Variants in EXOC6 observed in about 807,000 individuals in gnomAD.
EXOC6 encodes exocyst complex component 6.
In EXOC6, 60 loss-of-function variants were observed where a neutral mutation model predicts 112.5. The observed-to-expected ratio is 0.53, with a 90% CI of 0.43 to 0.66. The LOEUF is 0.66. EXOC6 is among the 30% of genes least tolerant of loss of function. The pLI is 0.00. For synonymous variants in EXOC6, 295 were observed against 308.0 expected (o/e 0.96, Z 0.44); for missense variants, 855 against 957.1 (o/e 0.89, Z 1.41).
intron 13 of EXOC6, among the ~76,000 whole-genome samples, chr10:92,945,738 A>G (rs767908235): frequency 2.0e-5 from 3 of 152,160 alleles, no homozygotes; most frequent in Non-Finnish European, 2.9e-5. Context: ...TTTAAAACAG[A>G]GACAGCATTT....
At chr10:92,880,199 A>T (rs184743759) in intron 1 of EXOC6, among the ~76,000 whole-genome samples, 1 of 152,308 alleles carries the variant, frequency 6.6e-6, no homozygotes, top group African/African-American at 2.4e-5. Context: ...TAACCTATGC[A>T]CATACTCCCA....
At chr10:92,851,474 C>T (rs1034339745) in intron 1 of EXOC6, among the ~76,000 whole-genome samples, 1 of 151,444 alleles carries the variant, frequency 6.6e-6, no homozygotes, top group African/African-American at 2.4e-5. Context: ...GGTGAAACCC[C>T]GTCCCTACTA....
upstream of EXOC6, among the ~76,000 whole-genome samples, chr10:92,832,430 A>G (rs1281767211): frequency 6.6e-6 from 1 of 152,096 alleles, no homozygotes; most frequent in Non-Finnish European, 1.5e-5. Context: ...GGCGTCCGCC[A>G]CCACAGCCGG....
At chr10:92,887,490 C>T (rs904372013) in intron 1 of EXOC6, among the ~76,000 whole-genome samples, 7 of 149,702 alleles carry the variant, frequency 4.7e-5, no homozygotes, top group Admixed American at 2.7e-4. Flanking sequence ...CTCTGCCTCC[C>T]GGGTTCAAGC....
At chr10:92,885,248 T>A (rs1431549908) in intron 1 of EXOC6, among the ~76,000 whole-genome samples, 1 of 152,220 alleles carries the variant, frequency 6.6e-6, no homozygotes, top group Non-Finnish European at 1.5e-5. Flanking sequence ...TACTTAAAAT[T>A]TTTTTAGCTA....
chr10:92,943,090 C>T (rs536636968), intron 13 of EXOC6, among the ~76,000 whole-genome samples: 21 of 151,030 alleles, frequency 1.4e-4, no homozygotes, highest in Admixed American at 7.2e-4. Flanking sequence ...GGCGTGACCT[C>T]GGCTCACTGC....
rs144365544 is a variant in EXOC6, at chr10:92,854,922, A to G, written c.101+6288A>G. Reference sequence around the variant, plus strand: ...TTGGGTTTTTTCCCCCCTTTATTCTATTCATGTGGTACATTACATTGATTG... The same window carrying G: ...TTGGGTTTTTTCCCCCCTTTATTCTGTTCATGTGGTACATTACATTGATTG... On this transcript the variant is annotated intron_variant, in intron 1 of 21. Transcript: ENST00000260762. Among the ~76,000 whole-genome samples, 286 of 152,216 alleles carry G rather than the reference A, an allele frequency of 1.9e-3. 3 individuals are homozygous for G. Among genetic ancestry groups the G allele is most frequent in the African/African-American group, 6.7e-3 (279 of 41,536 alleles).
intron 11 of EXOC6, 118 bp from the exon 12 acceptor site, chr10:92,935,696 T>C (rs979776063): frequency 9.1e-6 from 7 of 766,990 alleles, no homozygotes; most frequent in African/African-American, 7.2e-5. Flanking sequence ...TTTAAACTTA[T>C]TATAAGTCTG....
At chr10:92,971,691 T>A (rs1842304495) in intron 17 of EXOC6, among the ~76,000 whole-genome samples, 1 of 152,188 alleles carries the variant, frequency 6.6e-6, no homozygotes, top group Admixed American at 6.5e-5. Context: ...TAATTTCTAT[T>A]TATATTCCCT....
At chr10:93,051,036 G>A (rs1181691627) in intron 20 of EXOC6, among the ~76,000 whole-genome samples, 1 of 151,820 alleles carries the variant, frequency 6.6e-6, no homozygotes, top group Non-Finnish European at 1.5e-5. Flanking sequence ...AAATTCACAT[G>A]TATGTATCTA....
intron 8 of EXOC6, among the ~76,000 whole-genome samples, chr10:92,920,488 C>G (rs1049258294): frequency 6.6e-6 from 1 of 152,156 alleles, no homozygotes; most frequent in Non-Finnish European, 1.5e-5. Flanking sequence ...GATGTGCAAC[C>G]ATTACCACTA....
intron 4 of EXOC6, among the ~76,000 whole-genome samples, chr10:92,898,666 A>C (rs760460130): frequency 6.6e-6 from 1 of 152,046 alleles, no homozygotes; most frequent in Admixed American, 6.6e-5. Context: ...AAAAAATTAC[A>C]TTACAATATA....
chr10:93,037,227 C>T (rs1845554336), intron 20 of EXOC6, among the ~76,000 whole-genome samples: 1 of 150,994 alleles, frequency 6.6e-6, no homozygotes. Flanking sequence ...ATTGCAGCCT[C>T]AACCTCCCCA....
At chr10:92,848,489 T>G, upstream of EXOC6, 1 of 1,186,234 alleles carries the variant, frequency 8.4e-7, no homozygotes, top group Non-Finnish European at 1.1e-6. Flanking sequence ...GCCCCCGTCG[T>G]TCCCGCGGCG....
chr10:92,832,109 T>G (rs183154555), upstream of EXOC6, among the ~76,000 whole-genome samples: 19 of 152,358 alleles, frequency 1.2e-4, no homozygotes, highest in Admixed American at 9.8e-4. Context: ...TTTCTCATCA[T>G]GTATTTATGT....
intron 9 of EXOC6, among the ~76,000 whole-genome samples, chr10:92,931,115 G>GAAAAAAAAAAAAAAAAAAA (rs60087746): frequency 1.4e-5 from 1 of 70,610 alleles, no homozygotes; most frequent in Non-Finnish European, 2.7e-5. Flanking sequence ...CATCTCAGAA[G>GAAAAAAAAAAAAAAAAAAA]AAAAAAAAAA....
chr10:92,958,754 A>G (rs547340448), intron 17 of EXOC6, among the ~76,000 whole-genome samples: 180 of 152,314 alleles, frequency 1.2e-3, no homozygotes, highest in African/African-American at 4.2e-3. Context: ...TTGAAGAAGA[A>G]CAAAGTTGGA....
At chr10:93,001,507 T>C in intron 19 of EXOC6, among the ~76,000 whole-genome samples, 1 of 152,188 alleles carries the variant, frequency 6.6e-6, no homozygotes, top group East Asian at 1.9e-4. Flanking sequence ...TCACCACCAG[T>C]CTATATTGTG....
intron 19 of EXOC6, among the ~76,000 whole-genome samples, chr10:92,999,764 C>A (rs1291185297): frequency 1.3e-5 from 2 of 150,014 alleles, no homozygotes; most frequent in African/African-American, 4.9e-5. Context: ...AGTGCAGTGG[C>A]ACAATCTTGG....
Sources: gnomAD v4.1 joint callset for allele counts (sites outside exome capture counted in the v4.1 genomes callset) on GRCh38, gnomAD v4.1.1 for gene constraint, MANE v1.5 for transcripts, NCBI Gene and HGNC (gene_info 2026-07-23, HGNC 2026-07-21) for gene names.